Variants in BTD observed in about 807,000 individuals in gnomAD.
BTD encodes biocytinase.
Under a neutral mutation model 17.7 loss-of-function variants are expected in BTD, and 13 were observed. The observed-to-expected ratio is 0.74, with a 90% confidence interval of 0.48 to 1.17. The LOEUF is 1.17. BTD is among the 50% of genes most tolerant of loss of function. The probability of loss-of-function intolerance (pLI) is 0.00; values close to 1 mark genes in which losing one functional copy is unlikely to be tolerated. For missense variants in BTD, 674 were observed against 650.4 expected (o/e 1.04, Z -0.39); for synonymous variants, 240 against 245.2 (o/e 0.98, Z 0.20).
At chr3:15,691,272 T>C (rs2068763312) in intron 3 of BTD, among the ~76,000 whole-genome samples, 1 of 152,006 alleles carries the variant, frequency 6.6e-6, no homozygotes, top group East Asian at 1.9e-4. Context: ...TACAGGCGCA[T>C]GCCACCATGC....
intron 1 of BTD, among the ~76,000 whole-genome samples, chr3:15,625,390 T>C (rs1291144875): frequency 6.6e-6 from 1 of 152,212 alleles, no homozygotes; most frequent in African/African-American, 2.4e-5. Flanking sequence ...ATGCTTTGTT[T>C]CCTTTCCCTC....
intron 3 of BTD, chr3:15,676,983 G>C (rs998010675): frequency 1.2e-6 from 2 of 1,611,124 alleles, no homozygotes; most frequent in African/African-American, 1.3e-5. Flanking sequence ...CGTTTGCAAG[G>C]CTGCGTTGGT....
At chr3:15,636,230 G>A (rs551099403) in intron 2 of BTD, among the ~76,000 whole-genome samples, 2 of 152,304 alleles carry the variant, frequency 1.3e-5, no homozygotes, top group South Asian at 4.1e-4. Flanking sequence ...GAAGTAGTAA[G>A]CATCTGCAAG....
intron 3 of BTD, among the ~76,000 whole-genome samples, chr3:15,688,306 T>C (rs2068384955): frequency 6.6e-6 from 1 of 152,236 alleles, no homozygotes; most frequent in Non-Finnish European, 1.5e-5. Context: ...TATTTTATAT[T>C]TTAGGAACAG....
chr3:15,645,110 T>C lies in BTD; in HGVS notation c.1194T>C (p.Cys398=), dbSNP rs887049660. Residue 398 remains cysteine, a synonymous_variant, in exon 4 of 4, where the codon TGT becomes TGC. Transcript: ENST00000643237. ...VWGKEGYLHV[C]SNGLCCYLLY... The stretch of plus-strand genomic sequence containing the variant: ...GAAAGGAAGGCTATCTCCACGTCTG[T>C]TCCAATGGCCTCTGCTGTTATTTAC... 1 of 1,614,070 alleles carries C rather than the reference T, an allele frequency of 6.2e-7. No individual in the cohort carries two copies. The highest frequency in any genetic ancestry group is 1.3e-5 in the African/African-American group (1 of 74,916).
chr3:15,694,950 T>C, intron 3 of BTD: 1 of 847,812 alleles, frequency 1.2e-6, no homozygotes. Context: ...ATTATGAAAG[T>C]ATACTAAGGA....
At position 15,635,324 on chromosome 3, in the gene BTD, T is replaced by G; in HGVS notation, c.-16-100T>G. 3.9e-6 allele frequency: 6 copies of G among 1,557,592 alleles called. No individual in the cohort carries two copies. Among genetic ancestry groups the G allele is most frequent in the Non-Finnish European group, 5.3e-6 (6 of 1,134,964 alleles). On this transcript the variant is annotated intron_variant, in intron 1 of 3. Transcript: ENST00000643237. This position sits in a 1 kb window ranked among gnomAD's most constrained non-coding sequence, Gnocchi z 4.1. ...CTTTGAGCCGCAGTATCACTGCGAG[T>G]GAGTTTAATTGCTGGGATTAATAAA...
intron 1 of BTD, among the ~76,000 whole-genome samples, chr3:15,626,791 AAAAAG>A (rs1266839561): frequency 2.7e-3 from 397 of 145,556 alleles, no homozygotes; most frequent in East Asian, 4.5e-3. Context: ...AAAAAAAAAA[AAAAAG>A]AAAAGAAAAG....
chr3:15,663,138 T>C (rs1043426275), intron 3 of BTD, among the ~76,000 whole-genome samples: 5 of 152,070 alleles, frequency 3.3e-5, no homozygotes, highest in African/African-American at 1.2e-4. Context: ...GCTGGGATTA[T>C]AGGCATGCGC....
intron 1 of BTD, chr3:15,602,377 C>A (rs991307707): frequency 6.3e-6 from 6 of 952,370 alleles, no homozygotes; most frequent in East Asian, 1.0e-4. Context: ...TAATATCTTT[C>A]CAAAATTAGG....
At chr3:15,615,431 G>T (rs1461170225) in intron 1 of BTD, among the ~76,000 whole-genome samples, 1 of 152,090 alleles carries the variant, frequency 6.6e-6, no homozygotes, top group Non-Finnish European at 1.5e-5. Context: ...ATTCCTTAAG[G>T]TTCCTAGCTA....
intron 3 of BTD, among the ~76,000 whole-genome samples, chr3:15,674,645 G>A (rs2066748593): frequency 6.6e-6 from 1 of 152,166 alleles, no homozygotes; most frequent in Non-Finnish European, 1.5e-5. Flanking sequence ...CAAAGGAACT[G>A]ATGAGAGCAC....
chr3:15,678,586 G>T (rs2067204659), intron 3 of BTD, among the ~76,000 whole-genome samples: 1 of 152,094 alleles, frequency 6.6e-6, no homozygotes, highest in Non-Finnish European at 1.5e-5. Flanking sequence ...ATGAAGTAAA[G>T]ATTAATTACA....
rs1193200243 is a variant in BTD at position 15,653,084 on chromosome 3, G to C, written c.*7596G>C. 6.6e-6 allele frequency among the ~76,000 whole-genome samples: 1 copy of C among 152,236 alleles called. No homozygotes were observed. The highest frequency in any genetic ancestry group is 1.5e-5 in the Non-Finnish European group (1 of 68,038). On this transcript the variant is annotated 3_prime_UTR_variant, in exon 4 of 4. Transcript: ENST00000643237. The stretch of plus-strand genomic sequence containing the variant: ...ACAGAGTTATCCAACAGCCTGGTAT[G>C]GTGCAGACCAGGGGCTCTCGAAAGG...
chr3:15,626,706 G>T (rs2065073069), intron 1 of BTD, among the ~76,000 whole-genome samples: 1 of 147,728 alleles, frequency 6.8e-6, no homozygotes, highest in African/African-American at 2.5e-5. Flanking sequence ...GAGCCTAGGA[G>T]TTTGAGGCTG....
At chr3:15,622,522 T>C (rs774348417) in intron 1 of BTD, among the ~76,000 whole-genome samples, 9 of 152,244 alleles carry the variant, frequency 5.9e-5, no homozygotes, top group Admixed American at 6.5e-5. Context: ...GTCTGTACTT[T>C]GCTGTTATTA....
intron 3 of BTD, among the ~76,000 whole-genome samples, chr3:15,701,580 G>GTTGCAGTAAGCTGAGA (rs2070632590): frequency 6.6e-6 from 1 of 152,032 alleles, no homozygotes; most frequent in Non-Finnish European, 1.5e-5. Flanking sequence ...GGAGGCGGAG[G>GTTGCAGTAAGCTGAGA]TTGCAGTAAG....
At chr3:15,679,135 CT>C (rs71809219) in intron 3 of BTD, among the ~76,000 whole-genome samples, 215 of 143,790 alleles carry the variant, frequency 1.5e-3, no homozygotes, top group Middle Eastern at 3.6e-3. Flanking sequence ...TCATCATGCA[CT>C]TTTTTTTTTT....
At chr3:15,601,644 A>C, upstream of BTD, 1 of 1,553,602 alleles carries the variant, frequency 6.4e-7, no homozygotes. Context: ...ACTTCCCGGG[A>C]GAGGTGAGAA....
Sources: allele counts gnomAD v4.1 joint callset (sites outside exome capture counted in the v4.1 genomes callset), GRCh38; gene constraint gnomAD v4.1.1; non-coding constraint Gnocchi (gnomAD v3.1); transcripts MANE v1.5; gene names NCBI Gene and HGNC (gene_info 2026-07-23, HGNC 2026-07-21).